The following EXOC4 variants were observed in gnomAD, a reference collection of about 807,000 sequenced individuals.
The protein encoded by EXOC4 is exocyst complex component 4, also known as SEC8-like 1.
Under a neutral mutation model 107.2 loss-of-function variants are expected in EXOC4, and 71 were observed. The observed-to-expected ratio is 0.66, with a 90% CI of 0.55 to 0.81. The LOEUF is 0.81. EXOC4 is among the 30% of genes least tolerant of loss of function. The probability of loss-of-function intolerance (pLI) is 0.00; values close to 1 mark genes in which losing one functional copy is unlikely to be tolerated. For missense variants in EXOC4, 1,108 were observed against 1,189.6 expected (o/e 0.93, Z 1.01); for synonymous variants, 456 against 441.2 (o/e 1.03, Z -0.42).
At chr7:133,523,906 G>A (rs971706010) in intron 9 of EXOC4, among the ~76,000 whole-genome samples, 11 of 151,758 alleles carry the variant, frequency 7.2e-5, no homozygotes, top group East Asian at 1.9e-4. Context: ...ATAAACATAC[G>A]TGTGCATGTG....
At chr7:133,915,624 C>T (rs763664609) in intron 12 of EXOC4, among the ~76,000 whole-genome samples, 1 of 152,124 alleles carries the variant, frequency 6.6e-6, no homozygotes, top group Non-Finnish European at 1.5e-5. Context: ...AGGGGTACAC[C>T]TGCAACAGTC....
intron 2 of EXOC4, among the ~76,000 whole-genome samples, chr7:133,285,745 TTTC>T (rs1484774002): frequency 6.8e-6 from 1 of 147,416 alleles, no homozygotes; most frequent in Non-Finnish European, 1.5e-5. Context: ...CTTTTTTTTC[TTTC>T]TTCTTCTTTT....
chr7:133,610,953 A>C (rs992637552), intron 9 of EXOC4, among the ~76,000 whole-genome samples: 1 of 150,056 alleles, frequency 6.7e-6, no homozygotes, highest in South Asian at 2.1e-4. Flanking sequence ...CTGGGATCAC[A>C]GGCATGCACC....
At position 133,917,655 on chromosome 7, in the gene EXOC4, C is replaced by G. The variant is rs777275856; in HGVS notation, c.1944C>G (p.Leu648=). The G allele has an allele frequency of 1.4e-5, 23 of 1,614,086 alleles. No individual in the cohort carries two copies. The highest frequency in any genetic ancestry group is 2.2e-5 in the East Asian group (1 of 44,864). The change falls in exon 13 of 18, where the codon CTC becomes CTG. Residue 648 remains leucine (L), a synonymous_variant. Coordinates refer to ENST00000253861, the MANE Select transcript of EXOC4 (RefSeq NM_021807.4). The part of the protein sequence containing the change: ...SWAKDDDISR[L]LKSLPNWMNM... ...CAAAAGATGATGATATCAGCAGACT[C>G]TTGAAATCTCTACCAAACTGGATGA...
chr7:133,818,213 A>T (rs1272584540), intron 11 of EXOC4, among the ~76,000 whole-genome samples: 2 of 152,234 alleles, frequency 1.3e-5, no homozygotes, highest in Admixed American at 6.5e-5. Context: ...CAAAATTAGT[A>T]GGAGTTTAAA....
intron 2 of EXOC4, among the ~76,000 whole-genome samples, chr7:133,286,067 A>T (rs544805598): frequency 1.1e-4 from 17 of 152,200 alleles, no homozygotes; most frequent in East Asian, 3.9e-4. Flanking sequence ...GCAGTTTTTT[A>T]AAAAAATTAT....
At position 133,362,983 on chromosome 7, in the gene EXOC4, C is replaced by T. The variant is rs767482138; in HGVS notation, c.1007+6410C>T. 4.3e-4 allele frequency among the ~76,000 whole-genome samples: 65 copies of T among 152,096 alleles called. 2 individuals are homozygous for T. Among genetic ancestry groups the T allele is most frequent in the African/African-American group, 1.3e-3 (53 of 41,396 alleles). On this transcript the variant is annotated intron_variant, in intron 6 of 17. Transcript: ENST00000253861. ...GCTTCTTATAGCCATTCCCAGGCAC[C>T]GCATGTAGCACCTGGACATGCTTGG...
At chr7:133,734,735 T>G (rs1212268314) in intron 10 of EXOC4, among the ~76,000 whole-genome samples, 1 of 152,038 alleles carries the variant, frequency 6.6e-6, no homozygotes, top group Non-Finnish European at 1.5e-5. Context: ...CTGGATTAGA[T>G]ATGCTGAACT....
intron 11 of EXOC4, among the ~76,000 whole-genome samples, chr7:133,867,068 T>C (rs886509780): frequency 6.6e-6 from 1 of 152,170 alleles, no homozygotes; most frequent in Non-Finnish European, 1.5e-5. Context: ...CTGGAGCCTG[T>C]ATGGAAACTA....
At chr7:133,859,871 G>A (rs984813627) in intron 11 of EXOC4, among the ~76,000 whole-genome samples, 4 of 152,134 alleles carry the variant, frequency 2.6e-5, no homozygotes, top group South Asian at 2.1e-4. Flanking sequence ...TGTAATAGTC[G>A]ATGTTGCTAT....
chr7:133,609,939 A>G (rs1001152199), intron 9 of EXOC4, among the ~76,000 whole-genome samples: 2 of 152,240 alleles, frequency 1.3e-5, no homozygotes, highest in Non-Finnish European at 2.9e-5. Context: ...GTTATAGTCC[A>G]TGAACAACTT....
At chr7:133,668,140 G>A (rs935306656) in intron 10 of EXOC4, among the ~76,000 whole-genome samples, 5 of 152,078 alleles carry the variant, frequency 3.3e-5, no homozygotes, top group East Asian at 3.9e-4. Flanking sequence ...GTTTATATTC[G>A]GAATGGTTTT....
At chr7:133,816,408 A>T (rs981233029) in intron 10 of EXOC4, among the ~76,000 whole-genome samples, 1 of 152,218 alleles carries the variant, frequency 6.6e-6, no homozygotes. Flanking sequence ...AATCATTAAC[A>T]TTCTGTTATG....
intron 13 of EXOC4, among the ~76,000 whole-genome samples, chr7:133,931,299 A>G (rs1001430066): frequency 3.9e-4 from 18 of 46,404 alleles, no homozygotes; most frequent in East Asian, 6.8e-4. Context: ...TAGTGGCTCA[A>G]TAAATACTTG....
intron 10 of EXOC4, among the ~76,000 whole-genome samples, chr7:133,656,128 G>A (rs910734193): frequency 1.3e-5 from 2 of 152,094 alleles, no homozygotes; most frequent in Non-Finnish European, 1.5e-5. Context: ...CCTGTGGTGC[G>A]TGACTGTAAT....
rs115146662 is a variant in EXOC4 at position 133,603,350 on chromosome 7, A to C, written c.1418-26695A>C. ...AATTTTTAAACTCAAATGCATCTTC[A>C]TGCAGATACCTAAATACAATCATTT... On this transcript the variant is annotated intron_variant, in intron 9 of 17. Transcript: ENST00000253861. Among the ~76,000 whole-genome samples the C allele has an allele frequency of 6.7e-4, 102 of 152,358 alleles. 1 individual carries two copies. Among genetic ancestry groups the C allele is most frequent in the African/African-American group, 2.4e-3 (98 of 41,584 alleles).
At chr7:133,486,634 A>G (rs1218629700) in intron 9 of EXOC4, among the ~76,000 whole-genome samples, 1 of 152,036 alleles carries the variant, frequency 6.6e-6, no homozygotes, top group African/African-American at 2.4e-5. Flanking sequence ...AAAAAAGTAC[A>G]TTTTTCTTCT....
At chr7:133,430,723 C>T (rs1255884052) in intron 7 of EXOC4, among the ~76,000 whole-genome samples, 2 of 152,080 alleles carry the variant, frequency 1.3e-5, no homozygotes, top group Non-Finnish European at 2.9e-5. Context: ...TTTTATATTC[C>T]ACCACGCATA....
chr7:133,942,284 G>A (rs1190771138), intron 14 of EXOC4, among the ~76,000 whole-genome samples: 1 of 149,240 alleles, frequency 6.7e-6, no homozygotes, highest in Admixed American at 6.6e-5. Context: ...TTTTTTTTAA[G>A]TGAAGCCCCT....
Sources: gnomAD v4.1 joint callset for allele counts (sites outside exome capture counted in the v4.1 genomes callset) on GRCh38, gnomAD v4.1.1 for gene constraint, MANE v1.5 for transcripts, NCBI Gene and HGNC (gene_info 2026-07-23, HGNC 2026-07-21) for gene names.